SNX14: variants seen among roughly 807,000 people sequenced by gnomAD.
The protein encoded by SNX14 is sorting nexin-14.
A neutral mutation model predicts 133.8 loss-of-function variants in SNX14; 93 were observed. The ratio of observed to expected loss-of-function variants is 0.70; its 90% CI spans 0.59 to 0.83. The LOEUF (loss-of-function observed/expected upper bound fraction) is 0.83, where lower values mean the gene tolerates loss of function less well. Among genes scored for constraint, SNX14 ranks in the 40% least tolerant of loss-of-function variants. The pLI, the probability that SNX14 is intolerant of heterozygous loss-of-function variation, is 0.00. For missense variants in SNX14, 945 were observed against 1,094.9 expected (o/e 0.86, Z 1.93); for synonymous variants, 368 against 365.6 (o/e 1.01, Z -0.07).
chr6:85,555,320 A>G (rs914215075), intron 7 of SNX14, among the ~76,000 whole-genome samples: 1 of 152,238 alleles, frequency 6.6e-6, no homozygotes, highest in African/African-American at 2.4e-5. Flanking sequence ...AATTGCCAAA[A>G]ATTGGACCAA....
chr6:85,527,277 A>G (rs1449926797), intron 20 of SNX14, among the ~76,000 whole-genome samples: 2 of 152,176 alleles, frequency 1.3e-5, no homozygotes, highest in African/African-American at 4.8e-5. Flanking sequence ...ATGAGTTAAT[A>G]GTATCAACAA....
chr6:85,525,149 A>G (rs941252229), intron 21 of SNX14, among the ~76,000 whole-genome samples: 2 of 152,160 alleles, frequency 1.3e-5, no homozygotes, highest in South Asian at 4.1e-4. Flanking sequence ...TACTAACTTC[A>G]ATCTCTAATA....
intron 26 of SNX14, 62 bp downstream of exon 26, chr6:85,513,738 A>G: frequency 2.4e-6 from 3 of 1,229,250 alleles, no homozygotes; most frequent in East Asian, 2.3e-5. Context: ...TAATTACTAT[A>G]CATTGTGACC....
chr6:85,578,593 C>T (rs964942980), intron 1 of SNX14, among the ~76,000 whole-genome samples: 4 of 152,082 alleles, frequency 2.6e-5, no homozygotes, highest in Middle Eastern at 3.4e-3. Flanking sequence ...TTCTGACAGG[C>T]GAGTAGAATG....
At chr6:85,547,727 G>C (rs1460701690) in intron 9 of SNX14, among the ~76,000 whole-genome samples, 177 bp from the exon 10 acceptor site, 1 of 152,132 alleles carries the variant, frequency 6.6e-6, no homozygotes, top group Non-Finnish European at 1.5e-5. Flanking sequence ...CTACAAAACA[G>C]GTTCTTAACC....
chr6:85,507,096 G>A (rs927011464), intron 28 of SNX14, 137 bp downstream of exon 28: 2 of 721,418 alleles, frequency 2.8e-6, no homozygotes, highest in Non-Finnish European at 4.6e-6. Flanking sequence ...AATACAAAAG[G>A]CAATTTGCTG....
intron 1 of SNX14, among the ~76,000 whole-genome samples, 179 bp downstream of exon 1, chr6:85,593,400 C>T (rs1217786781): frequency 6.6e-6 from 1 of 152,246 alleles, no homozygotes; most frequent in Non-Finnish European, 1.5e-5. Flanking sequence ...CCCCACCGGC[C>T]TGTGCTTCCG....
At position 85,549,834 on chromosome 6, in the gene SNX14, C is replaced by A. The variant is rs1207191017; in HGVS notation, c.680G>T (p.Gly227Val). ...TCTCAAAGCAACATGAAGCTCTGGA[C>A]CATATTCTTCTAAAGCAGCTTGCTG... is the stretch of plus-strand genomic sequence containing the variant. ...FLQQAALEEYGPELHVALRSR... is the reference protein window; with the variant it reads ...FLQQAALEEYVPELHVALRSR... The change falls in exon 8 of 29, where the codon GGT becomes GTT. Residue 227 changes from glycine (G) to valine (V), a missense_variant. Physicochemically the swap from Gly to Val is moderately radical, Grantham distance 109. Coordinates refer to ENST00000314673, the MANE Select transcript of SNX14 (RefSeq NM_153816.6). The A allele has an allele frequency of 6.2e-7, 1 of 1,613,566 alleles. No homozygotes were observed. Among genetic ancestry groups the A allele is most frequent in the Non-Finnish European group, 8.5e-7 (1 of 1,179,794 alleles).
chr6:85,512,483 G>A (rs538315367), intron 26 of SNX14, among the ~76,000 whole-genome samples: 7 of 152,096 alleles, frequency 4.6e-5, no homozygotes, highest in Admixed American at 3.9e-4. Flanking sequence ...TTAGCCAGGC[G>A]TGGTGGTGCA....
chr6:85,510,548 T>G (rs903120550), intron 26 of SNX14, among the ~76,000 whole-genome samples: 57 of 152,210 alleles, frequency 3.7e-4, no homozygotes, highest in Non-Finnish European at 1.0e-4. Context: ...TTTGCAAATA[T>G]TTTCTCCCAG....
intron 1 of SNX14, chr6:85,589,194 T>C (rs1802001917): frequency 5.2e-6 from 1 of 192,706 alleles, no homozygotes; most frequent in Admixed American, 5.4e-5. Flanking sequence ...TTCTGCCATA[T>C]TGTCTACTGT....
Position 85,546,725 on chromosome 6 carries a change from G to C in SNX14, c.1108+387C>G, listed in dbSNP as rs535140095. ...CGCCTGTAACCCCAGCACTTTGGGA[G>C]GCCGAGGTGGGTGGATCACCTGAGG... On this transcript the variant is annotated intron_variant, in intron 12 of 28. Transcript: ENST00000314673. 1.4e-3 allele frequency among the ~76,000 whole-genome samples: 211 copies of C among 152,280 alleles called. 3 individuals are homozygous for C. Among genetic ancestry groups the C allele is most frequent in the Middle Eastern group, 3.4e-3 (1 of 294 alleles).
chr6:85,543,364 C>T lies in SNX14; in HGVS notation c.1265-58G>A, dbSNP rs546492234. The T allele has an allele frequency of 1.2e-5, 17 of 1,418,022 alleles. No homozygotes were observed. In the Admixed American group the frequency reaches 2.5e-4, roughly 21 times the overall value. The allele number at this position is 1,418,022 out of a possible 1,614,324, so 87.8% of individuals were successfully genotyped here. ...ATAAATAGCATAAATATATACAGTT[C>T]TAAAACGTTTTACTGAAACTCCACT... On this transcript the variant is annotated intron_variant, in intron 13 of 28. Transcript: ENST00000314673.
chr6:85,583,055 C>T (rs1279810054), intron 1 of SNX14, among the ~76,000 whole-genome samples: 2 of 151,276 alleles, frequency 1.3e-5, no homozygotes, highest in African/African-American at 2.4e-5. Flanking sequence ...CCAGCACATC[C>T]ACCATGATCA....
At chr6:85,540,303 C>T (rs554586172) in intron 15 of SNX14, among the ~76,000 whole-genome samples, 44 of 152,232 alleles carry the variant, frequency 2.9e-4, no homozygotes, top group African/African-American at 9.9e-4. Context: ...ACCACTTCCC[C>T]TTAAATGGTC....
intron 4 of SNX14, chr6:85,567,974 C>T (rs1562360267): frequency 6.5e-6 from 1 of 152,714 alleles, no homozygotes; most frequent in African/African-American, 2.4e-5. Flanking sequence ...CAGAGTGAGA[C>T]TCTGTCTCAA....
In SNX14 at chr6:85,548,303, G is replaced by A. The variant is rs1786451723; in HGVS notation, c.865C>T (p.Pro289Ser). Residue 289 changes from proline to serine, a missense_variant and splice_region_variant, in exon 9 of 29, where the codon CCA (proline) becomes TCA (serine). Physicochemically the swap from Pro to Ser is moderately conservative, Grantham distance 74. Coordinates refer to ENST00000314673, the MANE Select transcript of SNX14 (RefSeq NM_153816.6). ...TAAAAAAAAATCTTAAGTCTTACTG[G>A]ATCAGCTAGGAAATCCAAAGAAGGA... ...FLPSLDFLAD[P>S]DTVNHLLIIF... 2 of 1,603,688 alleles carry A rather than the reference G, an allele frequency of 1.2e-6. No homozygotes were observed. Among genetic ancestry groups the A allele is most frequent in the Non-Finnish European group, 1.7e-6 (2 of 1,175,356 alleles).
chr6:85,514,589 T>G lies in SNX14; in HGVS notation c.2309A>C (p.Glu770Ala). Residue 770 changes from glutamate to alanine, a missense_variant, in exon 24 of 29, where the codon GAA (glutamate) becomes GCA (alanine). Around this residue, in one of 3 missense-constraint regions of SNX14, gnomAD observed 412 missense variants for 516.6 expected, o/e 0.80. Coordinates refer to ENST00000314673, the MANE Select transcript of SNX14 (RefSeq NM_153816.6). ...DLFKNNANRA[E>A]NTERKQNQNY... ...CTGATTTTGCTTTCTCTCTGTATTT[T>G]CAGCACGGTTTGCATTATTTTTAAA... 2 of 1,613,044 alleles carry G rather than the reference T, an allele frequency of 1.2e-6. No individual in the cohort carries two copies. Among genetic ancestry groups the G allele is most frequent in the Non-Finnish European group, 8.5e-7 (1 of 1,179,496 alleles).
chr6:85,547,004 T>A, intron 12 of SNX14, 108 bp downstream of exon 12: 5 of 699,698 alleles, frequency 7.1e-6, no homozygotes, highest in South Asian at 5.2e-5. Context: ...GTATATGAAA[T>A]TTAGTACAAT....
Sources: gnomAD v4.1 joint callset for allele counts (sites outside exome capture counted in the v4.1 genomes callset) on GRCh38, gnomAD v4.1.1 for gene constraint, gnomAD v4.1.1 regional missense constraint, MANE v1.5 for transcripts, NCBI Gene and HGNC (gene_info 2026-07-23, HGNC 2026-07-21) for gene names.